Variants in FGF5 observed in about 807,000 individuals in gnomAD.
FGF5 encodes fibroblast growth factor 5.
A neutral mutation model predicts 21.8 loss-of-function variants in FGF5; 23 were observed. The observed-to-expected ratio is 1.05, with a 90% CI of 0.76 to 1.49. The LOEUF (loss-of-function observed/expected upper bound fraction) is 1.49. FGF5 is among the 40% of genes most tolerant of loss of function. The probability of loss-of-function intolerance (pLI) is 0.00; values close to 1 mark genes in which losing one functional copy is unlikely to be tolerated. For missense variants in FGF5, 352 were observed against 332.9 expected, an observed-to-expected ratio of 1.06 and a Z score of -0.45; for synonymous variants, 158 against 124.0, an observed-to-expected ratio of 1.27 and a Z score of -1.82.
chr4:80,271,518 C>A (rs1181044703), intron 1 of FGF5, among the ~76,000 whole-genome samples: 1 of 152,092 alleles, frequency 6.6e-6, no homozygotes, highest in Admixed American at 6.5e-5. Context: ...ACTGAGCCAC[C>A]CGTCCACCCC....
At chr4:80,284,986 C>G (rs549886389) in intron 2 of FGF5, among the ~76,000 whole-genome samples, 2 of 152,090 alleles carry the variant, frequency 1.3e-5, no homozygotes, top group Non-Finnish European at 2.9e-5. Context: ...ATTATGAAAC[C>G]TGGTAGTCTT....
intron 2 of FGF5, 78 bp from the exon 3 acceptor site, chr4:80,286,247 T>C: frequency 1.0e-6 from 1 of 971,572 alleles, no homozygotes; most frequent in Admixed American, 2.5e-5. Context: ...TTGTTTTTTT[T>C]TCTACAATAC....
rs1054567779 is a variant in FGF5, at chr4:80,273,614, A to G, written c.356-1295A>G. On this transcript the variant is annotated intron_variant, in intron 1 of 2. Transcript: ENST00000312465. ...GGCAGAGTCCTATTGAGATATCCTA[A>G]TTAGTATATATGCTTAGAATATTAT... Among the ~76,000 whole-genome samples the G allele has an allele frequency of 2.6e-5, 4 of 152,278 alleles. 1 individual carries two copies. Among genetic ancestry groups the G allele is most frequent in the Non-Finnish European group, 4.4e-5 (3 of 68,010 alleles).
At chr4:80,268,975 C>T (rs534992005) in intron 1 of FGF5, among the ~76,000 whole-genome samples, 2 of 152,332 alleles carry the variant, frequency 1.3e-5, no homozygotes, top group South Asian at 2.1e-4. Context: ...TTTGTCTCAA[C>T]GGTCTTTTGA....
At chr4:80,284,295 A>G (rs923070252) in intron 2 of FGF5, among the ~76,000 whole-genome samples, 1 of 152,106 alleles carries the variant, frequency 6.6e-6, no homozygotes, top group African/African-American at 2.4e-5. Flanking sequence ...TTAGCTGGGC[A>G]TGGTGGCACA....
At position 80,266,678 on chromosome 4, in the gene FGF5, T is replaced by TCTCTTCC; in HGVS notation, c.-145_-139dup. On this transcript the variant is annotated 5_prime_UTR_variant, in exon 1 of 3. Transcript: ENST00000312465. The stretch of plus-strand genomic sequence containing the variant: ...CGCGGAGATCCGCTCGGGTGGCCTC[T>TCTCTTCC]CTCTTCCCCTCTCCCCTTCTCTTCC... 1.5e-6 allele frequency: 1 copy of TCTCTTCC among 679,206 alleles called. No individual in the cohort carries two copies. The highest frequency in any genetic ancestry group is 2.7e-5 in the East Asian group (1 of 36,418). The allele number at this position is 679,206 out of a possible 1,614,324, so 42.1% of individuals were successfully genotyped here.
intron 2 of FGF5, among the ~76,000 whole-genome samples, chr4:80,282,525 C>T (rs572867697): frequency 6.6e-6 from 1 of 152,244 alleles, no homozygotes; most frequent in East Asian, 1.9e-4. Flanking sequence ...AAAACATGGG[C>T]AGGACCATGT....
chr4:80,284,948 G>A (rs1578298503), intron 2 of FGF5, among the ~76,000 whole-genome samples: 1 of 152,240 alleles, frequency 6.6e-6, no homozygotes, highest in Middle Eastern at 3.4e-3. Flanking sequence ...TCAAACACGG[G>A]AATTCTGTGT....
At chr4:80,268,011 G>T (rs1280040864) in intron 1 of FGF5, among the ~76,000 whole-genome samples, 1 of 152,218 alleles carries the variant, frequency 6.6e-6, no homozygotes, top group African/African-American at 2.4e-5. Flanking sequence ...TAGAAGAAAC[G>T]CAGAGGTTAA....
At position 80,290,480 on chromosome 4, in the gene FGF5, G is replaced by A. The variant is rs1285950768; in HGVS notation, c.*3808G>A. The A allele has an allele frequency of 6.6e-6, 1 of 152,082 alleles. No homozygotes were observed. Among genetic ancestry groups the A allele is most frequent in the African/African-American group, 2.4e-5 (1 of 41,410 alleles). The allele number at this position is 152,082 out of a possible 1,614,324, so 9.4% of individuals were successfully genotyped here. ...CTCAGGGGAGAAAAGGGAACAAGATGCTGATCCAACCTGAGTGGAGTCAGG... is the reference window on the plus strand; with the variant it reads ...CTCAGGGGAGAAAAGGGAACAAGATACTGATCCAACCTGAGTGGAGTCAGG... On this transcript the variant is annotated 3_prime_UTR_variant, in exon 3 of 3. Transcript: ENST00000312465.
At chr4:80,280,682 T>C (rs1720528195) in intron 2 of FGF5, among the ~76,000 whole-genome samples, 1 of 152,226 alleles carries the variant, frequency 6.6e-6, no homozygotes, top group South Asian at 2.1e-4. Flanking sequence ...TTACTGTGAG[T>C]TAAATTATAT....
At chr4:80,268,582 C>T in intron 1 of FGF5, 1 of 944,136 alleles carries the variant, frequency 1.1e-6, no homozygotes, top group Non-Finnish European at 1.3e-6. Context: ...AGGCGGTAGG[C>T]TGGCTAGCCT....
chr4:80,285,740 T>A (rs1329592829), intron 2 of FGF5, among the ~76,000 whole-genome samples: 1 of 152,128 alleles, frequency 6.6e-6, no homozygotes, highest in Admixed American at 6.6e-5. Flanking sequence ...CTGTAATGCC[T>A]GAGTAAAGAT....
rs1411924576 is a variant in FGF5, at chr4:80,286,675, T to C, written c.*3T>C. The C allele has an allele frequency of 1.5e-5, 24 of 1,609,378 alleles. No homozygotes were observed. The highest frequency in any genetic ancestry group is 3.3e-4 in the Middle Eastern group (2 of 6,072). On this transcript the variant is annotated 3_prime_UTR_variant, in exon 3 of 3. Transcript: ENST00000312465. ...GACTCAAGTTTCGCTTTGGATAATATTCCTCTTGGCCTTGTGAGAAACCAT... is the reference window on the plus strand; with the variant it reads ...GACTCAAGTTTCGCTTTGGATAATACTCCTCTTGGCCTTGTGAGAAACCAT...
chr4:80,267,493 C>G (rs1248787780), intron 1 of FGF5, among the ~76,000 whole-genome samples: 1 of 152,094 alleles, frequency 6.6e-6, no homozygotes, highest in Non-Finnish European at 1.5e-5. Context: ...CAGGAGAGAA[C>G]AAAAAACTCA....
At chr4:80,279,492 C>T (rs1039132254) in intron 2 of FGF5, among the ~76,000 whole-genome samples, 3 of 152,166 alleles carry the variant, frequency 2.0e-5, no homozygotes, top group Admixed American at 2.0e-4. Flanking sequence ...TATCACTGAC[C>T]TTTTCTTCCT....
At chr4:80,284,992 G>T (rs945032718) in intron 2 of FGF5, among the ~76,000 whole-genome samples, 4 of 152,158 alleles carry the variant, frequency 2.6e-5, no homozygotes, top group African/African-American at 9.7e-5. Flanking sequence ...AAACCTGGTA[G>T]TCTTAACTAG....
intron 1 of FGF5, among the ~76,000 whole-genome samples, chr4:80,269,624 T>C (rs1720211973): frequency 6.6e-6 from 1 of 152,210 alleles, no homozygotes; most frequent in Non-Finnish European, 1.5e-5. Context: ...AATTTAAACT[T>C]TTTCCTAATT....
chr4:80,282,609 G>GA (rs1422221351), intron 2 of FGF5, among the ~76,000 whole-genome samples: 1 of 152,124 alleles, frequency 6.6e-6, no homozygotes, highest in Non-Finnish European at 1.5e-5. Flanking sequence ...ATAAATTAGT[G>GA]AAAAATGAAT....
Sources: allele counts gnomAD v4.1 joint callset (sites outside exome capture counted in the v4.1 genomes callset), GRCh38; gene constraint gnomAD v4.1.1; transcripts MANE v1.5; gene names NCBI Gene and HGNC (gene_info 2026-07-23, HGNC 2026-07-21).